KCNMB4: variants seen among roughly 807,000 people sequenced by gnomAD.
The protein encoded by KCNMB4 is potassium calcium-activated channel subfamily M regulatory beta subunit 4, also known as calcium-activated potassium channel subunit beta-4.
In KCNMB4, 3 loss-of-function variants were observed where a neutral mutation model predicts 20.7. The ratio of observed to expected loss-of-function variants is 0.14; its 90% CI spans 0.07 to 0.37. KCNMB4 has a LOEUF of 0.37. Ranked by LOEUF, KCNMB4 falls within the 10% of genes least tolerant of loss-of-function variation. KCNMB4 has a pLI of 1.00. For synonymous variants in KCNMB4, 110 were observed against 113.4 expected (o/e 0.97, Z 0.19); for missense variants, 168 against 265.9 (o/e 0.63, Z 2.56).
At chr12:70,391,481 T>C (rs1868298871) in intron 1 of KCNMB4, among the ~76,000 whole-genome samples, 2 of 152,056 alleles carry the variant, frequency 1.3e-5, no homozygotes, top group South Asian at 2.1e-4. Context: ...TAAAAAAATA[T>C]GTTCTGTAGA....
At chr12:70,386,480 A>G (rs971577050) in intron 1 of KCNMB4, among the ~76,000 whole-genome samples, 2 of 152,134 alleles carry the variant, frequency 1.3e-5, no homozygotes, top group East Asian at 1.9e-4. Context: ...GGCAAAGATC[A>G]TGGATGGTCA....
chr12:70,405,322 G>C (rs1211488482), intron 2 of KCNMB4, among the ~76,000 whole-genome samples: 1 of 152,006 alleles, frequency 6.6e-6, no homozygotes, highest in South Asian at 2.1e-4. Context: ...TTAAAAAAAG[G>C]CTAAGGGCTT....
chr12:70,428,524 A>G (rs1264843286), intron 2 of KCNMB4, among the ~76,000 whole-genome samples: 3 of 152,214 alleles, frequency 2.0e-5, no homozygotes, highest in African/African-American at 7.2e-5. Flanking sequence ...GTACCTGGGA[A>G]AAGAATCACG....
intron 1 of KCNMB4, among the ~76,000 whole-genome samples, chr12:70,384,390 C>A (rs547055520): frequency 6.6e-6 from 1 of 152,114 alleles, no homozygotes; most frequent in Non-Finnish European, 1.5e-5. Flanking sequence ...TGGAGAGGAT[C>A]GATGTATTAA....
chr12:70,389,614 A>G (rs1190304268), intron 1 of KCNMB4, among the ~76,000 whole-genome samples: 1 of 152,190 alleles, frequency 6.6e-6, no homozygotes, highest in Non-Finnish European at 1.5e-5. Flanking sequence ...GGATCACTTG[A>G]GCCTGGGAGG....
At chr12:70,405,939 C>T (rs1021820806) in intron 2 of KCNMB4, among the ~76,000 whole-genome samples, 2 of 152,110 alleles carry the variant, frequency 1.3e-5, no homozygotes, top group African/African-American at 4.8e-5. Context: ...TGGAAGTGTT[C>T]AGCCTTTGAA....
intron 2 of KCNMB4, among the ~76,000 whole-genome samples, chr12:70,413,061 G>C (rs909505199): frequency 2.0e-5 from 3 of 152,164 alleles, no homozygotes; most frequent in Non-Finnish European, 4.4e-5. Context: ...GATTACATCA[G>C]AGTTGAAGGC....
chr12:70,408,660 G>T (rs1381346585), intron 2 of KCNMB4, among the ~76,000 whole-genome samples: 1 of 152,098 alleles, frequency 6.6e-6, no homozygotes, highest in African/African-American at 2.4e-5. Flanking sequence ...CGTCACTGGG[G>T]TGAATTCATG....
At chr12:70,378,322 G>T (rs909680248) in intron 1 of KCNMB4, among the ~76,000 whole-genome samples, 5 of 151,972 alleles carry the variant, frequency 3.3e-5, no homozygotes, top group Admixed American at 2.6e-4. Flanking sequence ...TTTCTCCATT[G>T]ATGTCTTGAA....
intron 1 of KCNMB4, among the ~76,000 whole-genome samples, chr12:70,377,648 T>G (rs1026409051): frequency 1.4e-4 from 22 of 152,228 alleles, no homozygotes; most frequent in Admixed American, 1.4e-3. Context: ...CTCTGTTGCA[T>G]GTGATGCTAT....
At chr12:70,389,878 C>T (rs1016317446) in intron 1 of KCNMB4, among the ~76,000 whole-genome samples, 2 of 152,094 alleles carry the variant, frequency 1.3e-5, no homozygotes, top group Admixed American at 6.6e-5. Flanking sequence ...AGTACATCCT[C>T]AAATAGCTTT....
intron 2 of KCNMB4, among the ~76,000 whole-genome samples, chr12:70,428,534 G>A (rs1193750469): frequency 6.6e-6 from 1 of 152,128 alleles, no homozygotes; most frequent in East Asian, 1.9e-4. Flanking sequence ...AAAGAATCAC[G>A]GCAGTGCTGG....
intron 1 of KCNMB4, among the ~76,000 whole-genome samples, chr12:70,392,971 T>G (rs1367749894): frequency 6.6e-6 from 1 of 151,338 alleles, no homozygotes; most frequent in African/African-American, 2.5e-5. Flanking sequence ...TCCCATAAAA[T>G]ATAATAAAAA....
At chr12:70,423,100 G>A (rs1869114209) in intron 2 of KCNMB4, among the ~76,000 whole-genome samples, 1 of 152,158 alleles carries the variant, frequency 6.6e-6, no homozygotes, top group African/African-American at 2.4e-5. Context: ...CATGGGTCTA[G>A]TGCTACTGAA....
Position 70,366,624 on chromosome 12 carries a change from G to A in KCNMB4, c.-111G>A. Reference sequence around the variant, plus strand: ...CCTCGCCGCCCACTCCCCTGCTGTCGCGCGGCGGCGGCGGTGGCGGCGGCG... The same window carrying A: ...CCTCGCCGCCCACTCCCCTGCTGTCACGCGGCGGCGGCGGTGGCGGCGGCG... On this transcript the variant is annotated 5_prime_UTR_variant, in exon 1 of 3. Coordinates refer to ENST00000258111, the MANE Select transcript of KCNMB4 (RefSeq NM_014505.6). 1.3e-6 allele frequency: 1 copy of A among 755,444 alleles called. No individual in the cohort carries two copies. The highest frequency in any genetic ancestry group is 1.8e-6 in the Non-Finnish European group (1 of 568,120). 46.8% of individuals were successfully genotyped at this position (755,444 alleles called of 1,614,324 possible). A position where few individuals can be genotyped will look rare whatever the true frequency, so the allele number is the denominator to read the frequency against.
chr12:70,395,630 T>C (rs1037224033), intron 1 of KCNMB4, among the ~76,000 whole-genome samples: 1 of 152,244 alleles, frequency 6.6e-6, no homozygotes, highest in African/African-American at 2.4e-5. Context: ...TACTGTCTTT[T>C]CTTAATAAAC....
At chr12:70,401,939 A>G (rs1021936645) in intron 2 of KCNMB4, among the ~76,000 whole-genome samples, 11 of 152,326 alleles carry the variant, frequency 7.2e-5, no homozygotes, top group Non-Finnish European at 1.0e-4. Context: ...TCATGAAGCC[A>G]GCCGTATTCA....
At chr12:70,405,791 C>T (rs763423711) in intron 2 of KCNMB4, among the ~76,000 whole-genome samples, 28 of 152,060 alleles carry the variant, frequency 1.8e-4, no homozygotes, top group African/African-American at 5.8e-4. Context: ...TGAAGCCAGG[C>T]GCAATGGTGA....
intron 1 of KCNMB4, among the ~76,000 whole-genome samples, chr12:70,383,487 A>G (rs1883831723): frequency 6.6e-6 from 1 of 152,178 alleles, no homozygotes; most frequent in Non-Finnish European, 1.5e-5. Context: ...TACATGTCTT[A>G]GGGTCTTAGG....
Sources: gnomAD v4.1 joint callset for allele counts (sites outside exome capture counted in the v4.1 genomes callset) on GRCh38, gnomAD v4.1.1 for gene constraint, MANE v1.5 for transcripts, NCBI Gene and HGNC (gene_info 2026-07-23, HGNC 2026-07-21) for gene names.